TTC7B: variants seen among roughly 807,000 people sequenced by gnomAD.
The protein encoded by TTC7B is tetratricopeptide repeat protein 7B.
A neutral mutation model predicts 106.8 loss-of-function variants in TTC7B; 28 were observed. The observed-to-expected ratio is 0.26, with a 90% CI of 0.19 to 0.36. The LOEUF is 0.36. TTC7B is among the 10% of genes least tolerant of loss of function. The pLI is 1.00. For missense variants in TTC7B, 862 were observed against 1,076.4 expected (o/e 0.80, Z 2.79); for synonymous variants, 405 against 430.6 (o/e 0.94, Z 0.74).
Position 90,663,820 on chromosome 14 carries a change from G to A in TTC7B, c.1153-5433C>T, listed in dbSNP as rs1309966981. On this transcript the variant is annotated intron_variant, in intron 9 of 19. Transcript: ENST00000328459. The surrounding 1 kb of genome is among the most constrained non-coding windows in gnomAD (Gnocchi z 4.5). ...GTGTGTGAGCTCTGGCATCACAGCC[G>A]ATGGCGCTGCCTGCCAGTGGGCTCT... Among the ~76,000 whole-genome samples the A allele has an allele frequency of 3.3e-5, 5 of 152,192 alleles. No individual in the cohort carries two copies. The highest frequency in any genetic ancestry group is 4.1e-4 in the South Asian group (2 of 4,824).
chr14:90,572,048 C>T (rs1366223483), intron 19 of TTC7B, among the ~76,000 whole-genome samples: 1 of 152,166 alleles, frequency 6.6e-6, no homozygotes, highest in African/African-American at 2.4e-5. Context: ...TCCCAAATCT[C>T]AATGAACAGA....
rs1889188049 is a variant in TTC7B, at chr14:90,528,026, G to A, written c.*13342C>T. The A allele has an allele frequency of 1.3e-5, 2 of 152,072 alleles. No individual in the cohort carries two copies. The highest frequency in any genetic ancestry group is 4.8e-5 in the African/African-American group (2 of 41,422). 9.4% of individuals were successfully genotyped at this position (152,072 alleles called of 1,614,324 possible). On this transcript the variant is annotated 3_prime_UTR_variant, in exon 20 of 20. Transcript: ENST00000328459. ...TCCATAGGCATTTATTGGTTGACAA[G>A]GTTGGCATATGTTGTATGAATAAGA...
rs1212597474 is a variant in TTC7B, at chr14:90,786,240, G to T, written c.210C>A (p.Gly70=). 7 of 1,609,380 alleles carry T rather than the reference G, an allele frequency of 4.3e-6. No homozygotes were observed. In the Admixed American group the frequency reaches 1.2e-4, roughly 27 times the overall value. The change falls in exon 2 of 20, where the codon GGC becomes GGA. Residue 70 remains glycine, a synonymous_variant. Coordinates refer to ENST00000328459, the MANE Select transcript of TTC7B (RefSeq NM_001010854.2). ...HPLRQGASPR[G]PKPQLTEVRK... ...GGACCTCAGTCAGCTGGGGCTTGGG[G>T]CCTCGGGGACTGGCCCCCTGCCTCA...
intron 7 of TTC7B, among the ~76,000 whole-genome samples, chr14:90,688,358 C>A (rs185558600): frequency 7.9e-5 from 12 of 152,252 alleles, no homozygotes; most frequent in Admixed American, 5.2e-4. Context: ...AGCGTGGTGG[C>A]TCACACCTGT....
At chr14:90,615,558 T>C (rs1893035579) in intron 16 of TTC7B, among the ~76,000 whole-genome samples, 1 of 152,228 alleles carries the variant, frequency 6.6e-6, no homozygotes, top group South Asian at 2.1e-4. Context: ...TCTAAAACAC[T>C]GTATGCCCTG....
intron 1 of TTC7B, among the ~76,000 whole-genome samples, chr14:90,798,769 T>C (rs1827800116): frequency 1.4e-5 from 2 of 147,872 alleles, no homozygotes; most frequent in South Asian, 4.3e-4. Context: ...TGTGCAGATA[T>C]TCAGAATAAT....
intron 19 of TTC7B, among the ~76,000 whole-genome samples, chr14:90,559,833 C>A (rs758374665): frequency 2.0e-5 from 3 of 152,266 alleles, no homozygotes; most frequent in African/African-American, 7.2e-5. Context: ...TTAAATCACA[C>A]GGCCACATGG....
At position 90,780,778 on chromosome 14, in the gene TTC7B, G is replaced by T; in HGVS notation, c.405C>A (p.Pro135=). Reference sequence around the variant, plus strand: ...CTTCTGCGATCACCCGCAGCCTGTAGGGCGGGACAGCTGTCAGTGGCAGAT... The same window carrying T: ...CTTCTGCGATCACCCGCAGCCTGTATGGCGGGACAGCTGTCAGTGGCAGAT... ...LDDLPLTAVP[P]YRLRVIAEAY... The change falls in exon 3 of 20, where the codon CCC becomes CCA. Residue 135 remains proline (P), a synonymous_variant. Transcript: ENST00000328459. 1 of 1,614,260 alleles carries T rather than the reference G, an allele frequency of 6.2e-7. No individual in the cohort carries two copies. Among genetic ancestry groups the T allele is most frequent in the South Asian group, 1.1e-5 (1 of 91,086 alleles).
At position 90,802,345 on chromosome 14, in the gene TTC7B, G is replaced by A. The variant is rs2030324988; in HGVS notation, c.121+13830C>T. On this transcript the variant is annotated intron_variant, in intron 1 of 19. Coordinates refer to ENST00000328459, the MANE Select transcript of TTC7B (RefSeq NM_001010854.2). The surrounding 1 kb of genome is among the most constrained non-coding windows in gnomAD (Gnocchi z 4.7). ...CTGTGCCCGTGCCTGCAGAAGGGAAGGGTCAGGAGAGAAGTGAAGGCTGTG... is the reference window on the plus strand; with the variant it reads ...CTGTGCCCGTGCCTGCAGAAGGGAAAGGTCAGGAGAGAAGTGAAGGCTGTG... 6.6e-6 allele frequency among the ~76,000 whole-genome samples: 1 copy of A among 152,134 alleles called. No individual in the cohort carries two copies. Among genetic ancestry groups the A allele is most frequent in the Non-Finnish European group, 1.5e-5 (1 of 68,030 alleles).
chr14:90,668,118 CAAAA>C (rs3061073), intron 9 of TTC7B, among the ~76,000 whole-genome samples: 1 of 142,768 alleles, frequency 7.0e-6, no homozygotes, highest in Non-Finnish European at 1.5e-5. Context: ...TAAGACCAAC[CAAAA>C]AAAAAAAAAA....
chr14:90,767,655 C>A (rs922761243), intron 3 of TTC7B, among the ~76,000 whole-genome samples: 7 of 152,146 alleles, frequency 4.6e-5, no homozygotes, highest in South Asian at 2.1e-4. Context: ...AAATTCTTTT[C>A]TTTATAAGCT....
At chr14:90,735,412 C>T (rs1264527956) in intron 4 of TTC7B, among the ~76,000 whole-genome samples, 7 of 150,972 alleles carry the variant, frequency 4.6e-5, no homozygotes, top group Admixed American at 6.6e-5. Flanking sequence ...GATGCTGAGG[C>T]GGAAGGATTG....
chr14:90,810,589 T>C (rs1181579068), intron 1 of TTC7B, among the ~76,000 whole-genome samples: 2 of 152,218 alleles, frequency 1.3e-5, no homozygotes, highest in Non-Finnish European at 2.9e-5. Flanking sequence ...AGCCCTTCCT[T>C]CAAAGGAAAC....
chr14:90,657,052 G>C lies in TTC7B; in HGVS notation c.1341+122C>G, dbSNP rs1885976670. ...GGCCCAGGGTCCGTGGCTCTACACA[G>C]TCTTGTCTTTGTACAGCTGATGAAT... is the stretch of plus-strand genomic sequence containing the variant. On this transcript the variant is annotated intron_variant, in intron 11 of 19. Transcript: ENST00000328459. The surrounding 1 kb of genome is among the most constrained non-coding windows in gnomAD (Gnocchi z 4.2). 1.2e-6 allele frequency: 1 copy of C among 863,962 alleles called. No individual in the cohort carries two copies. Among genetic ancestry groups the C allele is most frequent in the Non-Finnish European group, 1.8e-6 (1 of 560,600 alleles). The allele number at this position is 863,962 out of a possible 1,614,324, so 53.5% of individuals were successfully genotyped here. A position where few individuals can be genotyped will look rare whatever the true frequency, so the allele number is the denominator to read the frequency against.
At chr14:90,667,955 T>C (rs1443430463) in intron 9 of TTC7B, among the ~76,000 whole-genome samples, 1 of 152,154 alleles carries the variant, frequency 6.6e-6, no homozygotes, top group Non-Finnish European at 1.5e-5. Context: ...CATGCTACTT[T>C]TGCACTGAAG....
intron 2 of TTC7B, among the ~76,000 whole-genome samples, chr14:90,782,828 T>C (rs1002363101): frequency 1.2e-4 from 18 of 152,120 alleles, no homozygotes; most frequent in African/African-American, 4.3e-4. Context: ...CAAAGAGTCC[T>C]GGAGATGGAG....
At chr14:90,593,688 C>G in intron 17 of TTC7B, 62 bp from the exon 18 acceptor site, 2 of 1,463,082 alleles carry the variant, frequency 1.4e-6, no homozygotes, top group Non-Finnish European at 1.8e-6. Flanking sequence ...CCAATCAACC[C>G]CTTCCCACAC....
chr14:90,680,432 G>T (rs760994792), intron 8 of TTC7B, 40 bp downstream of exon 8: 1 of 1,537,262 alleles, frequency 6.5e-7, no homozygotes, highest in Non-Finnish European at 9.0e-7. Flanking sequence ...GGGTCTACAG[G>T]GCCAGGGGAA....
At chr14:90,656,404 T>C (rs1885949569) in intron 11 of TTC7B, among the ~76,000 whole-genome samples, 3 of 152,246 alleles carry the variant, frequency 2.0e-5, no homozygotes, top group Admixed American at 2.0e-4. Context: ...GAGTTTTCTA[T>C]TTTCTACTCA....
Sources: gnomAD v4.1 joint callset for allele counts (sites outside exome capture counted in the v4.1 genomes callset) on GRCh38, gnomAD v4.1.1 for gene constraint, Gnocchi (gnomAD v3.1) non-coding constraint, MANE v1.5 for transcripts, NCBI Gene and HGNC (gene_info 2026-07-23, HGNC 2026-07-21) for gene names.